ABCC6: variants seen among roughly 807,000 people sequenced by gnomAD.
ABCC6 encodes the protein ATP binding cassette subfamily C member 6, also known as ATP-binding cassette sub-family C member 6.
Under a neutral mutation model 169.5 loss-of-function variants are expected in ABCC6, and 126 were observed. That is an observed-to-expected ratio of 0.74 (90% CI 0.64 to 0.86). The LOEUF is 0.86. Among genes scored for constraint, ABCC6 ranks in the 40% least tolerant of loss-of-function variants. The probability of loss-of-function intolerance (pLI) is 0.00; values close to 1 mark genes in which losing one functional copy is unlikely to be tolerated. For synonymous variants in ABCC6, 752 were observed against 814.7 expected, an observed-to-expected ratio of 0.92 and a Z score of 1.31; for missense variants, 1,733 against 1,927.2, an observed-to-expected ratio of 0.90 and a Z score of 1.89.
rs774256027 is a variant in ABCC6, at chr16:16,163,123, G to A, written c.3376C>T (p.His1126Tyr). 2 of 1,613,836 alleles carry A rather than the reference G, an allele frequency of 1.2e-6. No individual in the cohort carries two copies. Among genetic ancestry groups the A allele is most frequent in the Non-Finnish European group, 1.7e-6 (2 of 1,180,036 alleles). Residue 1126 changes from histidine to tyrosine, a missense_variant, in exon 24 of 31, where the codon CAC becomes TAC. Around this residue, in one of 5 missense-constraint regions of ABCC6, gnomAD observed 1,601 missense variants for 1,635.5 expected, o/e 0.98. Coordinates refer to ENST00000205557, the MANE Select transcript of ABCC6 (RefSeq NM_001171.6). ...ESASYSSVCS[H>Y]MAETFQGSTV... ...CTGCCCTGGAACGTCTCAGCCATGT[G>A]GGAGCAGACAGACGAGTAGCTGGCT...
At chr16:16,151,998 C>T (rs2046398219) in intron 29 of ABCC6, among the ~76,000 whole-genome samples, 1 of 151,896 alleles carries the variant, frequency 6.6e-6, no homozygotes, top group Admixed American at 6.6e-5. Context: ...CGAGACCATC[C>T]TGGCTAACAC....
intron 17 of ABCC6, among the ~76,000 whole-genome samples, chr16:16,179,209 C>G (rs2047392309): frequency 6.6e-6 from 1 of 152,184 alleles, no homozygotes; most frequent in African/African-American, 2.4e-5. Context: ...CTACACTTCC[C>G]AATCCACTCT....
At chr16:16,182,981 C>T in intron 15 of ABCC6, 51 bp from the exon 16 acceptor site, 1 of 1,614,102 alleles carries the variant, frequency 6.2e-7, no homozygotes, top group South Asian at 1.1e-5. Context: ...CAGCCCGCCT[C>T]TGTGAGGAAG....
chr16:16,180,559 C>T (rs905430984), intron 17 of ABCC6, among the ~76,000 whole-genome samples: 2 of 152,126 alleles, frequency 1.3e-5, no homozygotes, highest in African/African-American at 2.4e-5. Context: ...ATGGCTTGAT[C>T]TCGGCTCACT....
chr16:16,183,815 C>G (rs1315134769), intron 15 of ABCC6, among the ~76,000 whole-genome samples: 3 of 152,052 alleles, frequency 2.0e-5, no homozygotes, highest in African/African-American at 7.2e-5. Context: ...AGTTTCAGCC[C>G]AAAATATCAA....
chr16:16,154,885 G>A lies in ABCC6; in HGVS notation c.4029C>T (p.Ser1343=). Reference sequence around the variant, plus strand: ...CCACCAGCCTCACCTGGGGGATGATGCTGATCCTGGAGCGCAGTGTGTGCA... The same window carrying A: ...CCACCAGCCTCACCTGGGGGATGATACTGATCCTGGAGCGCAGTGTGTGCA... ...VGLHTLRSRI[S]IIPQDPILFP... The change falls in exon 28 of 31, where the codon AGC becomes AGT. Residue 1343 remains serine, a synonymous_variant. Transcript: ENST00000205557. 2 of 1,612,686 alleles carry A rather than the reference G, an allele frequency of 1.2e-6. No homozygotes were observed. Among genetic ancestry groups the A allele is most frequent in the Non-Finnish European group, 8.5e-7 (1 of 1,179,494 alleles).
At chr16:16,185,169 T>G in intron 14 of ABCC6, 135 bp from the exon 15 acceptor site, 2 of 818,136 alleles carry the variant, frequency 2.4e-6, no homozygotes, top group East Asian at 2.7e-5. Flanking sequence ...ACTGAACAAA[T>G]TGCCCTGCTA....
chr16:16,214,481 G>C (rs1214937456), intron 4 of ABCC6, 32 bp from the exon 5 acceptor site: 36 of 1,551,634 alleles, frequency 2.3e-5, no homozygotes, highest in Non-Finnish European at 3.1e-5. Context: ...ATAAGGAATG[G>C]AGACAGAGGA....
At chr16:16,164,755 A>G (rs1045970141) in intron 23 of ABCC6, among the ~76,000 whole-genome samples, 1 of 152,160 alleles carries the variant, frequency 6.6e-6, no homozygotes, top group African/African-American at 2.4e-5. Flanking sequence ...GCCGACCCAC[A>G]TAGTATCTGA....
In ABCC6 at chr16:16,220,220, CAT is replaced by C. The variant is rs1426949357; in HGVS notation, c.220-275_220-274del. ...ATGCAGGAAGTGCTCCAATCGTGCA[CAT>C]ATGAGATGACTGTGGGTATGGAGAA... On this transcript the variant is annotated intron_variant, in intron 2 of 30. Transcript: ENST00000205557. The C allele has an allele frequency of 1.2e-5, 5 of 420,652 alleles. No individual in the cohort carries two copies. The East Asian group carries it at 1.5e-4, about 13-fold the overall frequency. 26.1% of individuals were successfully genotyped at this position (420,652 alleles called of 1,614,324 possible). A position where few individuals can be genotyped will look rare whatever the true frequency, so the allele number is the denominator to read the frequency against.
chr16:16,173,112 T>G lies in ABCC6; in HGVS notation c.2787+172A>C, dbSNP rs1002091475. 9 of 760,888 alleles carry G rather than the reference T, an allele frequency of 1.2e-5. No individual in the cohort carries two copies. In the East Asian group the frequency reaches 2.2e-4, roughly 18 times the overall value. 47.1% of individuals were successfully genotyped at this position (760,888 alleles called of 1,614,324 possible). ...TCTGAAATAGACCTATCATATCTAT[T>G]TTTTAGGGTGGTTGTGAGGATTAAG... On this transcript the variant is annotated intron_variant, in intron 21 of 30. Coordinates refer to ENST00000205557, the MANE Select transcript of ABCC6 (RefSeq NM_001171.6).
At chr16:16,174,765 C>CCCCCG (rs2047222767) in intron 20 of ABCC6, among the ~76,000 whole-genome samples, 1 of 128,906 alleles carries the variant, frequency 7.8e-6, no homozygotes, top group South Asian at 3.8e-4. Context: ...TCAAAACCCC[C>CCCCCG]CCCCGCAAAA....
Position 16,203,715 on chromosome 16 carries a change from G to T in ABCC6, c.795-102C>A. The stretch of plus-strand genomic sequence containing the variant: ...GGTTGTTTTCCCAACAGTGGAGATG[G>T]GTGGGTGTGGATCTAGCCTGGCTCC... On this transcript the variant is annotated intron_variant, in intron 7 of 30. Coordinates refer to ENST00000205557, the MANE Select transcript of ABCC6 (RefSeq NM_001171.6). The T allele has an allele frequency of 3.1e-6, 4 of 1,292,270 alleles. No homozygotes were observed. In the South Asian group the frequency reaches 3.8e-5, roughly 12 times the overall value. The allele number at this position is 1,292,270 out of a possible 1,614,324, so 80.1% of individuals were successfully genotyped here.
intron 13 of ABCC6, 140 bp from the exon 14 acceptor site, chr16:16,187,351 A>G: frequency 1.4e-6 from 1 of 736,496 alleles, no homozygotes; most frequent in Non-Finnish European, 2.4e-6. Context: ...AAAGCTTTCT[A>G]GTTCATGGGA....
At chr16:16,152,229 T>G (rs1401833235) in intron 29 of ABCC6, among the ~76,000 whole-genome samples, 1 of 131,522 alleles carries the variant, frequency 7.6e-6, no homozygotes, top group Non-Finnish European at 1.6e-5. Context: ...TGTAGGCTTG[T>G]CACAGAATAA....
intron 19 of ABCC6, among the ~76,000 whole-genome samples, chr16:16,177,130 A>G (rs1306184007): frequency 3.3e-5 from 5 of 152,216 alleles, no homozygotes; most frequent in Non-Finnish European, 7.3e-5. Context: ...ACCTTGGGCA[A>G]GTGATTTAAC....
In ABCC6 at chr16:16,155,024, A is replaced by T. The variant is rs2046500980; in HGVS notation, c.3890T>A (p.Ile1297Asn). 1.9e-6 allele frequency: 3 copies of T among 1,555,862 alleles called. No homozygotes were observed. The Admixed American group carries it at 5.8e-5, about 30-fold the overall frequency. ...CTTCCCTGCCCCGGTCCTGCCAACG[A>T]TGCCCACCTGCCCGGGGTTGGGAGG... is the stretch of plus-strand genomic sequence containing the variant. ...FKIHAGEKVGIVGRTGAGKSS... is the reference protein window; with the variant it reads ...FKIHAGEKVGNVGRTGAGKSS... The change falls in exon 28 of 31, where the codon ATC becomes AAC. Residue 1297 changes from isoleucine (I) to asparagine (N), a missense_variant. By Grantham distance (149) the Ile-to-Asn change is moderately radical. This residue lies in a region of ABCC6 where 1,601 missense variants were observed against 1,635.5 expected (regional missense o/e 0.98). Coordinates refer to ENST00000205557, the MANE Select transcript of ABCC6 (RefSeq NM_001171.6).
chr16:16,162,293 T>C lies in ABCC6; in HGVS notation c.3506+700A>G, dbSNP rs114305714. The stretch of plus-strand genomic sequence containing the variant: ...CATGTATTGAGCACCTAGTGTGTAC[T>C]TGACCCTCTCCACACTCTGGTACCA... On this transcript the variant is annotated intron_variant, in intron 24 of 30. Coordinates refer to ENST00000205557, the MANE Select transcript of ABCC6 (RefSeq NM_001171.6). 3.5e-3 allele frequency among the ~76,000 whole-genome samples: 533 copies of C among 152,222 alleles called. 5 individuals are homozygous for C. The highest frequency in any genetic ancestry group is 0.012 in the African/African-American group (491 of 41,540).
chr16:16,161,754 G>C (rs1364516854), intron 24 of ABCC6, among the ~76,000 whole-genome samples, 190 bp from the exon 25 acceptor site: 6 of 152,064 alleles, frequency 3.9e-5, no homozygotes, highest in Non-Finnish European at 7.4e-5. Flanking sequence ...CCCACTTTAG[G>C]GTCTGGGGTA....
Sources: gnomAD v4.1 joint callset for allele counts (sites outside exome capture counted in the v4.1 genomes callset) on GRCh38, gnomAD v4.1.1 for gene constraint, gnomAD v4.1.1 regional missense constraint, MANE v1.5 for transcripts, NCBI Gene and HGNC (gene_info 2026-07-23, HGNC 2026-07-21) for gene names.